Variants in IL1F10 observed in about 807,000 individuals in gnomAD.
IL1F10 encodes the protein interleukin 1 family member 10.
A neutral mutation model predicts 13.1 loss-of-function variants in IL1F10; 13 were observed. The observed-to-expected ratio is 0.99, with a 90% CI of 0.64 to 1.57. IL1F10 has a LOEUF of 1.57. Ranked by LOEUF, IL1F10 falls within the 40% of genes most tolerant of loss-of-function variation. IL1F10 has a pLI of 0.00. For missense variants in IL1F10, 191 were observed against 184.1 expected, an observed-to-expected ratio of 1.04 and a Z score of -0.22; for synonymous variants, 78 against 68.2, an observed-to-expected ratio of 1.14 and a Z score of -0.71.
chr2:113,071,945 T>C (rs4849148), intron 1 of IL1F10, among the ~76,000 whole-genome samples: 20,570 of 152,218 alleles, frequency 0.14, 2,094 homozygotes, highest in East Asian at 0.49. Flanking sequence ...TTTATTTCCA[T>C]GCTAAATTCT....
Position 113,074,349 on chromosome 2 carries a change from A to G in IL1F10, c.53A>G (p.Lys18Arg). The change falls in exon 3 of 5, where the codon AAG becomes AGG. Residue 18 changes from lysine (K) to arginine (R), a missense_variant. By Grantham distance (26) the Lys-to-Arg change is conservative. Transcript: ENST00000341010. ...RYYIIKYADQ[K>R]ALYTRDGQLL... ...TTCAGAATTAAATATGCAGACCAGA[A>G]GGCTCTATACACAAGAGATGGCCAG... 1 of 1,612,956 alleles carries G rather than the reference A, an allele frequency of 6.2e-7. No individual in the cohort carries two copies. Among genetic ancestry groups the G allele is most frequent in the Admixed American group, 1.7e-5 (1 of 60,024 alleles).
Position 113,075,366 on chromosome 2 carries a change from G to A in IL1F10, c.*2G>A. 1.9e-6 allele frequency: 3 copies of A among 1,552,708 alleles called. No individual in the cohort carries two copies. The highest frequency in any genetic ancestry group is 2.6e-6 in the Non-Finnish European group (3 of 1,144,732). On this transcript the variant is annotated 3_prime_UTR_variant, in exon 5 of 5. Transcript: ENST00000341010. ...TTTTACTTTGAACAGAGCTGGTAGG[G>A]AGACAGGAAACTGCGTTTTAGCCTT...
chr2:113,074,543 T>C, intron 3 of IL1F10, 129 bp downstream of exon 3: 1 of 1,060,898 alleles, frequency 9.4e-7, no homozygotes, highest in Non-Finnish European at 1.5e-6. Context: ...AGAGCAGCTG[T>C]GGCCTCTCCT....
At position 113,072,715 on chromosome 2, in the gene IL1F10, G is replaced by T. The variant is rs529283115; in HGVS notation, c.-24G>T. 1 of 1,610,382 alleles carries T rather than the reference G, an allele frequency of 6.2e-7. No individual in the cohort carries two copies. Among genetic ancestry groups the T allele is most frequent in the Admixed American group, 1.7e-5 (1 of 59,864 alleles). On this transcript the variant is annotated 5_prime_UTR_variant, in exon 2 of 5. Coordinates refer to ENST00000341010, the MANE Select transcript of IL1F10 (RefSeq NM_173161.3). ...CCCTTCTCTCCTCCCCATCAGTGAG[G>T]ACCAGACACCACTGATTGCAGGAAT...
intron 1 of IL1F10, 123 bp downstream of exon 1, chr2:113,068,139 A>T (rs1005790613): frequency 6.6e-6 from 1 of 152,236 alleles, no homozygotes; most frequent in African/African-American, 2.4e-5. Context: ...GTAACAAGGT[A>T]GTCCCCTCAT....
At chr2:113,074,139 A>T (rs1248203195) in intron 2 of IL1F10, among the ~76,000 whole-genome samples, 190 bp from the exon 3 acceptor site, 4 of 152,050 alleles carry the variant, frequency 2.6e-5, no homozygotes, top group Admixed American at 2.6e-4. Context: ...AACACAGGAG[A>T]CCTTCCTTGC....
intron 1 of IL1F10, among the ~76,000 whole-genome samples, chr2:113,071,653 C>T (rs1171312396): frequency 6.6e-6 from 1 of 152,182 alleles, no homozygotes; most frequent in Non-Finnish European, 1.5e-5. Context: ...GTTTCTGGAA[C>T]TTGAGAGCTG....
At chr2:113,070,328 G>A (rs538900509) in intron 1 of IL1F10, among the ~76,000 whole-genome samples, 13 of 152,228 alleles carry the variant, frequency 8.5e-5, no homozygotes, top group Admixed American at 4.6e-4. Context: ...GGAGGGAGCC[G>A]AATAGGGGAG....
intron 3 of IL1F10, 36 bp from the exon 4 acceptor site, chr2:113,074,687 C>T (rs763692703): frequency 1.2e-6 from 2 of 1,612,586 alleles, no homozygotes; most frequent in South Asian, 1.1e-5. Context: ...CATGGGGTTC[C>T]CTTGTCCCTT....
intron 1 of IL1F10, among the ~76,000 whole-genome samples, chr2:113,069,290 G>T (rs554544697): frequency 1.8e-3 from 184 of 99,942 alleles, no homozygotes; most frequent in African/African-American, 8.9e-3. Flanking sequence ...CTAGAGCTGG[G>T]CAGGGATGTG....
At chr2:113,074,557 G>T in intron 3 of IL1F10, 143 bp downstream of exon 3, 1 of 1,083,468 alleles carries the variant, frequency 9.2e-7, no homozygotes, top group Non-Finnish European at 1.4e-6. Flanking sequence ...CTCTCCTAGC[G>T]AGGGGACATG....
intron 4 of IL1F10, 63 bp downstream of exon 4, chr2:113,074,913 G>C (rs1685910537): frequency 3.8e-6 from 6 of 1,572,162 alleles, no homozygotes; most frequent in Non-Finnish European, 5.2e-6. Flanking sequence ...GGGATGCTCT[G>C]GCATCTTTGT....
intron 1 of IL1F10, 103 bp from the exon 2 acceptor site, chr2:113,072,608 G>A: frequency 1.4e-6 from 1 of 714,506 alleles, no homozygotes. Flanking sequence ...AATGGCCTGG[G>A]GAACCCGTGC....
rs28928268 is a variant in IL1F10 at position 113,068,513 on chromosome 2, A to G, written c.-29+497A>G. Among the ~76,000 whole-genome samples the G allele has an allele frequency of 5.5e-3, 832 of 152,256 alleles. 6 individuals are homozygous for G. The highest frequency in any genetic ancestry group is 0.019 in the African/African-American group (792 of 41,542). On this transcript the variant is annotated intron_variant, in intron 1 of 4. Transcript: ENST00000341010. ...ATAAAATTTTATTGTGAAACTTAAA[A>G]CAGTTTTGAAAGATACCTTACTCAA...
chr2:113,072,628 C>T (rs1206989215), intron 1 of IL1F10, 83 bp from the exon 2 acceptor site: 33 of 909,604 alleles, frequency 3.6e-5, no homozygotes, highest in Middle Eastern at 4.4e-4. Context: ...CAGCCCTTGG[C>T]TGAGTGGTTC....
chr2:113,071,233 TTA>T (rs1234924366), intron 1 of IL1F10, among the ~76,000 whole-genome samples: 1 of 152,248 alleles, frequency 6.6e-6, no homozygotes, highest in Non-Finnish European at 1.5e-5. Context: ...TTGAAAATTT[TTA>T]TGTCCTAAAA....
intron 4 of IL1F10, 87 bp from the exon 5 acceptor site, chr2:113,075,065 T>C (rs1685912740): frequency 2.2e-6 from 3 of 1,333,862 alleles, no homozygotes; most frequent in East Asian, 4.6e-5. Context: ...CCCTGTCAGG[T>C]CCTTTTTTGG....
chr2:113,074,846 T>C lies in IL1F10; in HGVS notation c.242T>C (p.Leu81Pro), dbSNP rs191149949. 4.3e-6 allele frequency: 7 copies of C among 1,611,906 alleles called. No individual in the cohort carries two copies. The African/African-American group carries it at 5.3e-5, about 12-fold the overall frequency. ...ACAGAAGAGGGGCCTTCCCTACAGC[T>C]GGAGGTGAGAGGCCTCTCCCCATTC... ...VETEEGPSLQ[L>P]EDVNIEELYK... Residue 81 changes from leucine to proline, a missense_variant, in exon 4 of 5, where the codon CTG becomes CCG. By Grantham distance (98) the Leu-to-Pro change is moderately conservative. Coordinates refer to ENST00000341010, the MANE Select transcript of IL1F10 (RefSeq NM_173161.3).
At chr2:113,070,578 A>C (rs1436683849) in intron 1 of IL1F10, among the ~76,000 whole-genome samples, 1 of 152,162 alleles carries the variant, frequency 6.6e-6, no homozygotes, top group African/African-American at 2.4e-5. Flanking sequence ...CAACCAAAGA[A>C]GCCCCAGTGG....
Sources: gnomAD v4.1 joint callset for allele counts (sites outside exome capture counted in the v4.1 genomes callset) on GRCh38, gnomAD v4.1.1 for gene constraint, MANE v1.5 for transcripts, NCBI Gene and HGNC (gene_info 2026-07-23, HGNC 2026-07-21) for gene names.